GFRA1: variants seen among roughly 807,000 people sequenced by gnomAD.
GFRA1 encodes the protein GDNF family receptor alpha-1.
Under a neutral mutation model 51.6 loss-of-function variants are expected in GFRA1, and 16 were observed. The ratio of observed to expected loss-of-function variants is 0.31; its 90% CI spans 0.21 to 0.47. GFRA1 has a LOEUF of 0.47. Among genes scored for constraint, GFRA1 ranks in the 20% least tolerant of loss-of-function variants. GFRA1 has a pLI of 1.00. For synonymous variants in GFRA1, 270 were observed against 241.3 expected, an observed-to-expected ratio of 1.12 and a Z score of -1.10; for missense variants, 530 against 594.3, an observed-to-expected ratio of 0.89 and a Z score of 1.13.
chr10:116,185,436 A>T (rs761458769), intron 5 of GFRA1, among the ~76,000 whole-genome samples: 19 of 152,122 alleles, frequency 1.2e-4, no homozygotes, highest in Non-Finnish European at 2.6e-4. Context: ...CCCACTCACC[A>T]GCTTCCATGC....
At chr10:116,236,617 G>C (rs1297264481) in intron 4 of GFRA1, among the ~76,000 whole-genome samples, 1 of 152,192 alleles carries the variant, frequency 6.6e-6, no homozygotes, top group Non-Finnish European at 1.5e-5. Flanking sequence ...CATATACCAT[G>C]TGTCTCTCAT....
intron 5 of GFRA1, among the ~76,000 whole-genome samples, chr10:116,208,248 T>G (rs1201714405): frequency 4.6e-5 from 7 of 152,012 alleles, no homozygotes; most frequent in Non-Finnish European, 1.0e-4. Context: ...CCTTCTGCAG[T>G]GGTCCTAGTA....
chr10:116,177,130 G>C (rs192989516), intron 5 of GFRA1, among the ~76,000 whole-genome samples: 5 of 152,250 alleles, frequency 3.3e-5, no homozygotes, highest in Admixed American at 2.0e-4. Context: ...AAAGGTGGAG[G>C]CCTGACTATG....
At chr10:116,114,091 G>A (rs1957317983) in intron 6 of GFRA1, among the ~76,000 whole-genome samples, 1 of 152,176 alleles carries the variant, frequency 6.6e-6, no homozygotes, top group African/African-American at 2.4e-5. Flanking sequence ...AGGGGGCCAT[G>A]GATTCAGTCT....
intron 4 of GFRA1, among the ~76,000 whole-genome samples, chr10:116,248,501 G>C (rs900396138): frequency 6.6e-6 from 1 of 152,174 alleles, no homozygotes; most frequent in Non-Finnish European, 1.5e-5. Context: ...TTCACTAGAA[G>C]GTCCCTCAGG....
At chr10:116,174,711 C>T (rs1257341440) in intron 5 of GFRA1, among the ~76,000 whole-genome samples, 1 of 152,266 alleles carries the variant, frequency 6.6e-6, no homozygotes, top group African/African-American at 2.4e-5. Flanking sequence ...CTAGAGATTA[C>T]TGAAACCTCT....
In GFRA1 at chr10:116,057,990, TTGTGTGTGTGTGTGTGTGTGTGTGTGTG is replaced by T. The variant is rs56263127; in HGVS notation, c.*6380_*6407del. 7.8e-6 allele frequency: 1 copy of T among 129,028 alleles called. No individual in the cohort carries two copies. The highest frequency in any genetic ancestry group is 2.6e-4 in the East Asian group (1 of 3,786). 8.0% of individuals were successfully genotyped at this position (129,028 alleles called of 1,614,324 possible). Reference sequence around the variant, plus strand: ...GCTGGATCATATAGCCCTCCAATCATTGTGTGTGTGTGTGTGTGTGTGTGTGTGTGTGTGTGTGTGTGTGTGTGTGTGA... The same window carrying T: ...GCTGGATCATATAGCCCTCCAATCATTGTGTGTGTGTGTGTGTGTGTGTGA... On this transcript the variant is annotated 3_prime_UTR_variant, in exon 11 of 11. Coordinates refer to ENST00000355422, the MANE Select transcript of GFRA1 (RefSeq NM_005264.8).
chr10:116,141,577 T>C (rs980409859), intron 5 of GFRA1, among the ~76,000 whole-genome samples: 3 of 151,794 alleles, frequency 2.0e-5, no homozygotes, highest in African/African-American at 7.3e-5. Flanking sequence ...TGTCCTCTTC[T>C]TTTTTTTGAG....
chr10:116,178,303 G>GC lies in GFRA1; in HGVS notation c.433+33327_433+33328insG, dbSNP rs774943017. ...GCATGTGAGCCCACAAGGGGCCGGG[G>GC]GGGCGTTTTACTCCCCTCAAACTCC... On this transcript the variant is annotated intron_variant, in intron 5 of 10. Coordinates refer to ENST00000355422, the MANE Select transcript of GFRA1 (RefSeq NM_005264.8). 3.3e-3 allele frequency among the ~76,000 whole-genome samples: 504 copies of GC among 152,070 alleles called. 3 individuals are homozygous for GC. The highest frequency in any genetic ancestry group is 0.015 in the Admixed American group (226 of 15,292).
At chr10:116,245,001 A>G (rs1967751981) in intron 4 of GFRA1, among the ~76,000 whole-genome samples, 1 of 152,358 alleles carries the variant, frequency 6.6e-6, no homozygotes, top group Non-Finnish European at 1.5e-5. Flanking sequence ...CAATAGTTAG[A>G]CATTCTAGAC....
At chr10:116,246,021 G>C (rs147866029) in intron 4 of GFRA1, among the ~76,000 whole-genome samples, 264 of 152,258 alleles carry the variant, frequency 1.7e-3, no homozygotes, top group African/African-American at 5.9e-3. Context: ...CTGTACATTT[G>C]TCAAAACTCA....
intron 4 of GFRA1, among the ~76,000 whole-genome samples, chr10:116,231,588 A>C (rs1319000833): frequency 2.0e-5 from 3 of 152,184 alleles, no homozygotes; most frequent in Admixed American, 2.0e-4. Context: ...TCTGAATTCT[A>C]CATTAGATTT....
intron 4 of GFRA1, among the ~76,000 whole-genome samples, chr10:116,243,322 T>G (rs1967555394): frequency 6.6e-6 from 1 of 151,956 alleles, no homozygotes; most frequent in Non-Finnish European, 1.5e-5. Context: ...TACAGAGAAA[T>G]TAAAAATCAC....
In GFRA1 at chr10:116,058,324, G is replaced by A. The variant is rs1000398994; in HGVS notation, c.*6074C>T. ...CTCCTTTGAGCACTGCTGACTGTTT[G>A]CTTTCCTCAGCTAAAGCAGCTCTGG... On this transcript the variant is annotated 3_prime_UTR_variant, in exon 11 of 11. Transcript: ENST00000355422. The A allele has an allele frequency of 6.6e-6, 1 of 152,246 alleles. No homozygotes were observed. Among genetic ancestry groups the A allele is most frequent in the Admixed American group, 6.5e-5 (1 of 15,274 alleles). 9.4% of individuals were successfully genotyped at this position (152,246 alleles called of 1,614,324 possible). A position where few individuals can be genotyped will look rare whatever the true frequency, so the allele number is the denominator to read the frequency against.
intron 5 of GFRA1, among the ~76,000 whole-genome samples, chr10:116,172,535 C>A (rs866248003): frequency 3.9e-5 from 6 of 152,088 alleles, no homozygotes; most frequent in Non-Finnish European, 5.9e-5. Context: ...CAAGAGGAAA[C>A]GGCACTTGAG....
rs1954703306 is a variant in GFRA1, at chr10:116,059,603, G to A, written c.*4795C>T. ...GTGGTTCTCTGCAGGCAGTTTATTGGAATAGGGTTTGTGCGCCTTCTCCAC... is the reference window on the plus strand; with the variant it reads ...GTGGTTCTCTGCAGGCAGTTTATTGAAATAGGGTTTGTGCGCCTTCTCCAC... On this transcript the variant is annotated 3_prime_UTR_variant, in exon 11 of 11. Coordinates refer to ENST00000355422, the MANE Select transcript of GFRA1 (RefSeq NM_005264.8). The A allele has an allele frequency of 3.3e-5, 5 of 152,288 alleles. No individual in the cohort carries two copies. The highest frequency in any genetic ancestry group is 2.6e-4 in the Admixed American group (4 of 15,286). 9.4% of individuals were successfully genotyped at this position (152,288 alleles called of 1,614,324 possible).
At chr10:116,173,814 C>T (rs977683311) in intron 5 of GFRA1, among the ~76,000 whole-genome samples, 5 of 152,232 alleles carry the variant, frequency 3.3e-5, no homozygotes, top group Admixed American at 6.5e-5. Flanking sequence ...CGGTGGCTTA[C>T]GCCTGTAATC....
chr10:116,085,727 ATTC>A (rs1956074423), intron 9 of GFRA1, among the ~76,000 whole-genome samples: 1 of 152,140 alleles, frequency 6.6e-6, no homozygotes, highest in South Asian at 2.1e-4. Flanking sequence ...CCTTTCAACC[ATTC>A]TTCATAGAGG....
At chr10:116,269,423 C>T in intron 4 of GFRA1, 80 bp downstream of exon 4, 1 of 830,054 alleles carries the variant, frequency 1.2e-6, no homozygotes, top group South Asian at 1.3e-5. Context: ...TACTTATATG[C>T]TCTTTGAGAG....
Sources: gnomAD v4.1 joint callset for allele counts (sites outside exome capture counted in the v4.1 genomes callset) on GRCh38, gnomAD v4.1.1 for gene constraint, MANE v1.5 for transcripts, NCBI Gene and HGNC (gene_info 2026-07-23, HGNC 2026-07-21) for gene names.